The following MALRD1 variants were observed in gnomAD, a reference collection of about 807,000 sequenced individuals.
The protein encoded by MALRD1 is MAM and LDL receptor class A domain containing 1, also known as MAM and LDL-receptor class A domain-containing protein 1.
A neutral mutation model predicts 242.1 loss-of-function variants in MALRD1; 247 were observed. The ratio of observed to expected loss-of-function variants is 1.02; its 90% CI spans 0.92 to 1.13. The LOEUF is 1.13. Among genes scored for constraint, MALRD1 ranks in the 50% most tolerant of loss-of-function variants. The probability of loss-of-function intolerance (pLI) is 0.00; values close to 1 mark genes in which losing one functional copy is unlikely to be tolerated. For missense variants in MALRD1, 2,989 were observed against 2,533.1 expected, an observed-to-expected ratio of 1.18 and a Z score of -3.86; for synonymous variants, 995 against 866.6, an observed-to-expected ratio of 1.15 and a Z score of -2.60.
chr10:19,188,138 T>G (rs549382174), intron 14 of MALRD1, among the ~76,000 whole-genome samples: 1 of 152,206 alleles, frequency 6.6e-6, no homozygotes, highest in South Asian at 2.1e-4. Context: ...AACAGAAGAC[T>G]TGCAAGATCT....
intron 29 of MALRD1, among the ~76,000 whole-genome samples, chr10:19,458,910 G>A (rs1589112828): frequency 6.7e-6 from 1 of 148,550 alleles, no homozygotes; most frequent in Non-Finnish European, 1.5e-5. Flanking sequence ...ATATATATAT[G>A]TGCGTATATA....
intron 17 of MALRD1, among the ~76,000 whole-genome samples, chr10:19,206,596 T>A (rs1212872963): frequency 6.6e-6 from 1 of 152,180 alleles, no homozygotes; most frequent in Non-Finnish European, 1.5e-5. Flanking sequence ...TCAAAATACT[T>A]CTTGCGATTA....
At chr10:19,123,299 G>GTGTGTC (rs1467706128) in intron 5 of MALRD1, among the ~76,000 whole-genome samples, 193 bp from the exon 6 acceptor site, 5 of 128,532 alleles carry the variant, frequency 3.9e-5, no homozygotes, top group African/African-American at 1.6e-4. Flanking sequence ...TATTTGAGTG[G>GTGTGTC]TGTGTATGTG....
rs1837236151 is a variant in MALRD1, at chr10:19,583,549, C to T, written c.5681-11645C>T. ...ATTTATTGATTTGCGTATATTGAAC[C>T]AGCCTTGCATCCCAGGGATGAAGCC... On this transcript the variant is annotated intron_variant, in intron 33 of 39. Transcript: ENST00000454679. Among the ~76,000 whole-genome samples the T allele has an allele frequency of 1.3e-5, 2 of 151,482 alleles. 1 individual carries two copies. The highest frequency in any genetic ancestry group is 4.8e-5 in the African/African-American group (2 of 41,240).
chr10:19,244,639 A>G (rs1838959254), intron 18 of MALRD1, among the ~76,000 whole-genome samples: 1 of 152,198 alleles, frequency 6.6e-6, no homozygotes, highest in African/African-American at 2.4e-5. Context: ...CTCCAAGGCT[A>G]ATGACTTTTA....
intron 18 of MALRD1, among the ~76,000 whole-genome samples, chr10:19,236,280 G>A (rs111860628): frequency 6.6e-6 from 1 of 152,150 alleles, no homozygotes; most frequent in African/African-American, 2.4e-5. Context: ...GTTGGTGCAG[G>A]TGTGATATGA....
rs1044865974 is a variant in MALRD1, at chr10:19,527,113, T to C, written c.5321-4081T>C. On this transcript the variant is annotated intron_variant, in intron 31 of 39. Coordinates refer to ENST00000454679, the MANE Select transcript of MALRD1 (RefSeq NM_001142308.3). ...TACCTGCGATGTTGTTAGAATATTT[T>C]TCAAGTACTTGAAATGTTGTTAGGT... Among the ~76,000 whole-genome samples, 3 of 152,310 alleles carry C rather than the reference T, an allele frequency of 2.0e-5. No homozygotes were observed. In the East Asian group the frequency reaches 5.8e-4, roughly 29 times the overall value.
intron 35 of MALRD1, among the ~76,000 whole-genome samples, chr10:19,612,293 G>GC (rs1430058103): frequency 2.0e-5 from 3 of 151,844 alleles, no homozygotes; most frequent in Non-Finnish European, 2.9e-5. Context: ...AGAGGAGCAT[G>GC]CCCCCCAGTC....
chr10:19,588,239 C>T (rs1035823708), intron 33 of MALRD1, among the ~76,000 whole-genome samples: 10 of 152,098 alleles, frequency 6.6e-5, no homozygotes, highest in African/African-American at 1.7e-4. Flanking sequence ...TCAATGAAAG[C>T]ATTCTTCAGT....
chr10:19,405,179 C>G (rs1847036963), intron 28 of MALRD1, among the ~76,000 whole-genome samples: 1 of 152,102 alleles, frequency 6.6e-6, no homozygotes, highest in African/African-American at 2.4e-5. Flanking sequence ...GCGTCAACAT[C>G]TTATTTGTTA....
chr10:19,605,860 C>A (rs1408338890), intron 34 of MALRD1, among the ~76,000 whole-genome samples: 1 of 151,988 alleles, frequency 6.6e-6, no homozygotes. Flanking sequence ...TCTGGTCATT[C>A]ATTTTTAAAT....
chr10:19,166,720 A>G (rs906855583), intron 13 of MALRD1, among the ~76,000 whole-genome samples: 45 of 152,222 alleles, frequency 3.0e-4, no homozygotes, highest in African/African-American at 1.1e-3. Flanking sequence ...TATTAATAAA[A>G]TATAATAATA....
At chr10:19,597,298 T>G (rs1838144103) in intron 34 of MALRD1, among the ~76,000 whole-genome samples, 1 of 152,200 alleles carries the variant, frequency 6.6e-6, no homozygotes, top group South Asian at 2.1e-4. Flanking sequence ...CCATATGATA[T>G]TTGGCTTCAA....
intron 29 of MALRD1, among the ~76,000 whole-genome samples, chr10:19,455,181 A>G (rs1179225774): frequency 6.6e-6 from 1 of 152,206 alleles, no homozygotes; most frequent in Non-Finnish European, 1.5e-5. Context: ...AATGGTTTGT[A>G]CAGAAATCTT....
intron 18 of MALRD1, among the ~76,000 whole-genome samples, chr10:19,240,935 C>G (rs1399637522): frequency 6.6e-6 from 1 of 152,042 alleles, no homozygotes; most frequent in Non-Finnish European, 1.5e-5. Flanking sequence ...AGTGAATAAT[C>G]TTTTTAGTGT....
intron 19 of MALRD1, among the ~76,000 whole-genome samples, chr10:19,273,685 T>G (rs186040225): frequency 6.6e-6 from 1 of 152,244 alleles, no homozygotes; most frequent in African/African-American, 2.4e-5. Flanking sequence ...AGCAAAACTA[T>G]GGAGATAGTA....
intron 24 of MALRD1, among the ~76,000 whole-genome samples, chr10:19,340,054 C>T (rs1433743934): frequency 1.7e-4 from 26 of 152,086 alleles, no homozygotes; most frequent in African/African-American, 2.4e-5. Context: ...AAACCGTCCT[C>T]ATGATCTAAT....
At chr10:19,137,089 A>T (rs1282270403) in intron 10 of MALRD1, among the ~76,000 whole-genome samples, 1 of 152,170 alleles carries the variant, frequency 6.6e-6, no homozygotes, top group Non-Finnish European at 1.5e-5. Context: ...TGGTAGAAGG[A>T]AACTTTTTGT....
intron 38 of MALRD1, chr10:19,724,919 C>T (rs912137090): frequency 1.3e-5 from 2 of 152,112 alleles, no homozygotes; most frequent in African/African-American, 4.8e-5. Context: ...AGTTGTATTA[C>T]TACATACCAG....
Sources: allele counts gnomAD v4.1 joint callset (sites outside exome capture counted in the v4.1 genomes callset), GRCh38; gene constraint gnomAD v4.1.1; transcripts MANE v1.5; gene names NCBI Gene and HGNC (gene_info 2026-07-23, HGNC 2026-07-21).